The following ALG6 variants were observed in gnomAD, a reference collection of about 807,000 sequenced individuals.
The protein encoded by ALG6 is dolichyl pyrophosphate Man9GlcNAc2 alpha-1,3-glucosyltransferase.
ALG6 carries 46 observed loss-of-function variants against 66.6 expected under a neutral mutation model. That is an observed-to-expected ratio of 0.69 (90% confidence interval 0.55 to 0.88). The LOEUF is 0.88. ALG6 is among the 40% of genes least tolerant of loss of function. The pLI is 0.00. For synonymous variants in ALG6, 185 were observed against 203.7 expected (o/e 0.91, Z 0.78); for missense variants, 505 against 586.8 (o/e 0.86, Z 1.44).
chr1:63,428,552 G>T, intron 12 of ALG6, 181 bp from the exon 13 acceptor site: 1 of 522,364 alleles, frequency 1.9e-6, no homozygotes, highest in Non-Finnish European at 3.3e-6. Context: ...CTGTGCCTGT[G>T]TCTAGGCTAA....
intron 2 of ALG6, 125 bp downstream of exon 2, chr1:63,371,184 A>G (rs1341676828): frequency 4.4e-6 from 3 of 682,732 alleles, no homozygotes; most frequent in Non-Finnish European, 7.8e-6. Flanking sequence ...GATATGGTTG[A>G]GAAAATACAT....
Position 63,437,274 on chromosome 1 carries a change from G to T in ALG6, c.*254G>T. 1 of 396,816 alleles carries T rather than the reference G, an allele frequency of 2.5e-6. No individual in the cohort carries two copies. Among genetic ancestry groups the T allele is most frequent in the Non-Finnish European group, 4.7e-6 (1 of 213,918 alleles). The allele number at this position is 396,816 out of a possible 1,614,324, so 24.6% of individuals were successfully genotyped here. On this transcript the variant is annotated 3_prime_UTR_variant, in exon 15 of 15. Transcript: ENST00000263440. ...TTATTATTCACAGCTATTCAAGTGG[G>T]GAAAAAAGAGAAACATGTCCTTAAT...
At chr1:63,380,947 T>G (rs1452492304) in intron 2 of ALG6, among the ~76,000 whole-genome samples, 2 of 152,212 alleles carry the variant, frequency 1.3e-5, no homozygotes, top group African/African-American at 4.8e-5. Flanking sequence ...CATTAGTAGA[T>G]TATTTGAAGG....
intron 14 of ALG6, chr1:63,429,881 GTGTA>G: frequency 6.6e-6 from 1 of 151,142 alleles, no homozygotes; most frequent in Non-Finnish European, 1.5e-5. Flanking sequence ...GTGTGTGTGT[GTGTA>G]TTTATTTATT....
intron 2 of ALG6, among the ~76,000 whole-genome samples, chr1:63,374,867 A>T (rs1293221535): frequency 2.0e-5 from 3 of 152,174 alleles, no homozygotes; most frequent in Non-Finnish European, 4.4e-5. Flanking sequence ...TATCTTCCTT[A>T]GAGAAGTTTA....
chr1:63,405,257 C>T (rs920771780), intron 5 of ALG6, among the ~76,000 whole-genome samples: 3 of 152,122 alleles, frequency 2.0e-5, no homozygotes, highest in South Asian at 2.1e-4. Flanking sequence ...CTCTCCAATG[C>T]TTTAATCCTT....
intron 2 of ALG6, among the ~76,000 whole-genome samples, chr1:63,378,943 C>G (rs1570035520): frequency 6.6e-6 from 1 of 150,570 alleles, no homozygotes; most frequent in Admixed American, 6.6e-5. Context: ...TCTTTGGTTC[C>G]TTTTTAGATC....
intron 2 of ALG6, among the ~76,000 whole-genome samples, chr1:63,388,169 T>C (rs1648562890): frequency 6.6e-6 from 1 of 152,102 alleles, no homozygotes; most frequent in Non-Finnish European, 1.5e-5. Flanking sequence ...TCTGCCCACC[T>C]TGGCCTCCCA....
At chr1:63,372,814 C>T (rs1335265497) in intron 2 of ALG6, among the ~76,000 whole-genome samples, 3 of 151,946 alleles carry the variant, frequency 2.0e-5, no homozygotes, top group Non-Finnish European at 4.4e-5. Context: ...TGCATGCCAT[C>T]ATGCCCAGCT....
Position 63,422,438 on chromosome 1 carries a change from TATATAAATATATATATAA to T in ALG6, c.1058+3022_1058+3039del, listed in dbSNP as rs1557595437. 9.5e-4 allele frequency among the ~76,000 whole-genome samples: 23 copies of T among 24,110 alleles called. 1 individual carries two copies. Among genetic ancestry groups the T allele is most frequent in the Middle Eastern group, 0.033 (1 of 30 alleles). 15.8% of individuals were successfully genotyped at this position (24,110 alleles called of 152,430 possible). A position where few individuals can be genotyped will look rare whatever the true frequency, so the allele number is the denominator to read the frequency against. On this transcript the variant is annotated intron_variant, in intron 12 of 14. Transcript: ENST00000263440. ...AAATATATATATAAATATAAATATA[TATATAAATATATATATAA>T]ATATAAATATATATATAAATATATA...
chr1:63,384,389 T>G (rs938253899), intron 2 of ALG6, among the ~76,000 whole-genome samples: 1 of 152,218 alleles, frequency 6.6e-6, no homozygotes, highest in African/African-American at 2.4e-5. Flanking sequence ...ATATTCTGGT[T>G]GTTAATCCCT....
At chr1:63,396,405 T>C in intron 2 of ALG6, 108 bp from the exon 3 acceptor site, 2 of 936,748 alleles carry the variant, frequency 2.1e-6, no homozygotes, top group Non-Finnish European at 3.4e-6. Context: ...CTGTGTTCTT[T>C]CTGTAACCTA....
intron 2 of ALG6, among the ~76,000 whole-genome samples, chr1:63,375,402 C>A (rs1432900305): frequency 6.6e-6 from 1 of 150,838 alleles, no homozygotes; most frequent in Non-Finnish European, 1.5e-5. Context: ...TGTGCCACCA[C>A]CCCCGGCATT....
intron 7 of ALG6, among the ~76,000 whole-genome samples, chr1:63,410,120 C>T (rs969737386): frequency 6.6e-6 from 1 of 152,098 alleles, no homozygotes; most frequent in Non-Finnish European, 1.5e-5. Context: ...TACCCTGAGT[C>T]TCCTCTATGT....
In ALG6 at chr1:63,402,458, GTATT is replaced by G. The variant is rs1644469582; in HGVS notation, c.257+117_257+120del. On this transcript the variant is annotated intron_variant, in intron 4 of 14. Transcript: ENST00000263440. The stretch of plus-strand genomic sequence containing the variant: ...GGAGAGATTGCTTGTAGCTGCTATT[GTATT>G]TTTTTTTTTTTTTTTTTTTTTTGAG... 3 of 340,004 alleles carry G rather than the reference GTATT, an allele frequency of 8.8e-6. No individual in the cohort carries two copies. The South Asian group carries it at 1.0e-4, about 12-fold the overall frequency. 21.1% of individuals were successfully genotyped at this position (340,004 alleles called of 1,614,324 possible).
In ALG6 at chr1:63,404,437, A is replaced by G. The variant is rs1289325321; in HGVS notation, c.258-16A>G. ...GATGAGGAATGAAGTATCTGTATAT[A>G]TGCTTTGATTTGCAGGGCAAAGTTT... On this transcript the variant is annotated splice_polypyrimidine_tract_variant and intron_variant, in intron 4 of 14. Coordinates refer to ENST00000263440, the MANE Select transcript of ALG6 (RefSeq NM_013339.4). 109 of 1,590,548 alleles carry G rather than the reference A, an allele frequency of 6.9e-5. No homozygotes were observed. Among genetic ancestry groups the G allele is most frequent in the Non-Finnish European group, 9.1e-5 (106 of 1,158,686 alleles).
intron 4 of ALG6, among the ~76,000 whole-genome samples, 163 bp downstream of exon 4, chr1:63,402,506 G>A (rs952249203): frequency 8.5e-6 from 1 of 116,966 alleles, no homozygotes; most frequent in African/African-American, 3.4e-5. Flanking sequence ...TCACTCCATC[G>A]CCCAGGCTGG....
intron 2 of ALG6, among the ~76,000 whole-genome samples, chr1:63,391,909 C>A (rs1172187681): frequency 6.6e-6 from 1 of 152,132 alleles, no homozygotes; most frequent in African/African-American, 2.4e-5. Flanking sequence ...TGATTGTTTA[C>A]CGTTTCTTGT....
chr1:63,408,187 A>G (rs879449964), intron 7 of ALG6, among the ~76,000 whole-genome samples: 1 of 152,054 alleles, frequency 6.6e-6, no homozygotes, highest in Non-Finnish European at 1.5e-5. Flanking sequence ...TCCTTTCCCA[A>G]TGGTACCCCT....
Sources: allele counts gnomAD v4.1 joint callset (sites outside exome capture counted in the v4.1 genomes callset), GRCh38; gene constraint gnomAD v4.1.1; transcripts MANE v1.5; gene names NCBI Gene and HGNC (gene_info 2026-07-23, HGNC 2026-07-21).